CDC73: variants seen among roughly 807,000 people sequenced by gnomAD.
CDC73 encodes cell division cycle 73, also known as parafibromin.
In CDC73, 21 loss-of-function variants were observed where a neutral mutation model predicts 83.7. That is an observed-to-expected ratio of 0.25 (90% confidence interval 0.18 to 0.36). CDC73 has a LOEUF of 0.36. Ranked by LOEUF, CDC73 falls within the 10% of genes least tolerant of loss-of-function variation. CDC73 has a pLI of 1.00. For synonymous variants in CDC73, 224 were observed against 212.9 expected, an observed-to-expected ratio of 1.05 and a Z score of -0.45; for missense variants, 342 against 653.3, an observed-to-expected ratio of 0.52 and a Z score of 5.19.
At chr1:193,186,610 A>T (rs979150081) in intron 10 of CDC73, 1 of 152,156 alleles carries the variant, frequency 6.6e-6, no homozygotes, top group Non-Finnish European at 1.5e-5. Context: ...AGCAGTTTAA[A>T]TGTGGGCTTG....
intron 10 of CDC73, among the ~76,000 whole-genome samples, chr1:193,172,012 T>C (rs1190596454): frequency 1.3e-5 from 2 of 152,176 alleles, no homozygotes; most frequent in South Asian, 4.1e-4. Context: ...GCAACCTCTG[T>C]CTCCTGGATT....
rs545748108 is a variant in CDC73, at chr1:193,200,701, T to C, written c.973-3094T>C. 2.6e-3 allele frequency among the ~76,000 whole-genome samples: 397 copies of C among 152,306 alleles called. 2 individuals carry two copies. The highest frequency in any genetic ancestry group is 8.9e-3 in the African/African-American group (370 of 41,568). ...CTTCCAATCCAAATCTTTAAAAATA[T>C]GGAATTGTCAGTCTGTTCCATATTC... On this transcript the variant is annotated intron_variant, in intron 10 of 16. Transcript: ENST00000367435.
intron 10 of CDC73, among the ~76,000 whole-genome samples, chr1:193,178,371 T>C (rs1013099601): frequency 2.0e-5 from 3 of 152,312 alleles, no homozygotes; most frequent in East Asian, 1.9e-4. Flanking sequence ...GTGTCTGTTA[T>C]CTGTTTTTCA....
intron 5 of CDC73, chr1:193,136,702 C>T (rs1403189195): frequency 6.1e-6 from 1 of 164,090 alleles, no homozygotes; most frequent in East Asian, 1.9e-4. Context: ...AATATTTCCC[C>T]TTATATGAAA....
At chr1:193,134,037 A>G (rs1040739213) in intron 3 of CDC73, among the ~76,000 whole-genome samples, 10 of 152,094 alleles carry the variant, frequency 6.6e-5, no homozygotes. Context: ...CTACACCCCC[A>G]TTGAAGAATT....
chr1:193,142,198 G>T, intron 7 of CDC73, 132 bp downstream of exon 7: 1 of 752,020 alleles, frequency 1.3e-6, no homozygotes, highest in Non-Finnish European at 2.3e-6. Context: ...TGAAAGCTCA[G>T]TAATAATGTA....
intron 13 of CDC73, among the ~76,000 whole-genome samples, chr1:193,230,625 A>C (rs1375711798): frequency 6.6e-6 from 1 of 152,004 alleles, no homozygotes; most frequent in Non-Finnish European, 1.5e-5. Flanking sequence ...AGAAATAACC[A>C]GTTTTCTGGA....
intron 10 of CDC73, among the ~76,000 whole-genome samples, chr1:193,166,478 C>G (rs1335641080): frequency 6.6e-6 from 1 of 151,990 alleles, no homozygotes; most frequent in Non-Finnish European, 1.5e-5. Context: ...ATTTTTTAGT[C>G]TACAGTGATT....
intron 10 of CDC73, among the ~76,000 whole-genome samples, chr1:193,169,168 G>C (rs1676480154): frequency 6.6e-6 from 1 of 152,178 alleles, no homozygotes; most frequent in African/African-American, 2.4e-5. Context: ...TTGATGTTTA[G>C]ATGAATTTTA....
At chr1:193,189,154 A>C (rs949429379) in intron 10 of CDC73, among the ~76,000 whole-genome samples, 2 of 152,086 alleles carry the variant, frequency 1.3e-5, no homozygotes, top group African/African-American at 2.4e-5. Context: ...AGGTTTTACT[A>C]TGTTGCCCAG....
At chr1:193,249,920 C>A in intron 16 of CDC73, 49 bp downstream of exon 16, 1 of 1,585,510 alleles carries the variant, frequency 6.3e-7, no homozygotes, top group Middle Eastern at 1.7e-4. Flanking sequence ...TGTAATTTTT[C>A]TGTCTCAGTT....
chr1:193,245,367 C>A (rs1348039037), intron 15 of CDC73, among the ~76,000 whole-genome samples: 1 of 152,086 alleles, frequency 6.6e-6, no homozygotes, highest in Admixed American at 6.6e-5. Context: ...TGAGAGAGAA[C>A]TTGTGGTGTT....
chr1:193,200,075 A>C (rs1572193773), intron 10 of CDC73, among the ~76,000 whole-genome samples: 2 of 151,864 alleles, frequency 1.3e-5, no homozygotes, highest in East Asian at 3.9e-4. Flanking sequence ...AAAAAAAAAA[A>C]AAACAAAAAA....
At position 193,180,384 on chromosome 1, in the gene CDC73, G is replaced by A. The variant is rs200125162; in HGVS notation, c.973-23411G>A. 5.6e-6 allele frequency: 9 copies of A among 1,613,722 alleles called. No homozygotes were observed. In the Admixed American group the frequency reaches 1.5e-4, roughly 27 times the overall value. On this transcript the variant is annotated intron_variant, in intron 10 of 16. Coordinates refer to ENST00000367435, the MANE Select transcript of CDC73 (RefSeq NM_024529.5). ...GCTTATTTTGTTGTAAATGGTTCCA[G>A]TATTTTATCAGTTCACTAGGCTGGA...
intron 15 of CDC73, 40 bp downstream of exon 15, chr1:193,236,396 T>A (rs1282641354): frequency 8.1e-7 from 1 of 1,234,174 alleles, no homozygotes; most frequent in African/African-American, 1.5e-5. Context: ...AGTATAGAAA[T>A]GTTCTCACTT....
chr1:193,236,127 G>T, intron 14 of CDC73, 129 bp from the exon 15 acceptor site: 3 of 765,574 alleles, frequency 3.9e-6, no homozygotes. Flanking sequence ...TTCATGGAAG[G>T]ATTGATAAGA....
intron 11 of CDC73, among the ~76,000 whole-genome samples, chr1:193,205,795 T>G (rs182871443): frequency 5.2e-4 from 79 of 152,230 alleles, no homozygotes; most frequent in Admixed American, 4.6e-3. Flanking sequence ...AAGGAGCTTT[T>G]TACAGGAAGG....
chr1:193,184,681 T>C lies in CDC73; in HGVS notation c.973-19114T>C, dbSNP rs539510100. Among the ~76,000 whole-genome samples the C allele has an allele frequency of 5.1e-4, 77 of 152,070 alleles. 3 individuals carry two copies. In the South Asian group the frequency reaches 0.016, roughly 31 times the overall value. On this transcript the variant is annotated intron_variant, in intron 10 of 16. Transcript: ENST00000367435. The stretch of plus-strand genomic sequence containing the variant: ...TGTATAGCTTATAAAACTGCTTAAT[T>C]GGTGACTTCAATATTGAGAGATTAA...
intron 10 of CDC73, chr1:193,180,323 C>T (rs1363472422): frequency 2.5e-6 from 4 of 1,588,038 alleles, no homozygotes; most frequent in Non-Finnish European, 2.6e-6. Flanking sequence ...CGATACCTGC[C>T]TGCCTTTTCT....
Sources: gnomAD v4.1 joint callset for allele counts (sites outside exome capture counted in the v4.1 genomes callset) on GRCh38, gnomAD v4.1.1 for gene constraint, MANE v1.5 for transcripts, NCBI Gene and HGNC (gene_info 2026-07-23, HGNC 2026-07-21) for gene names.